The following RBMS3 variants were observed in gnomAD, a reference collection of about 807,000 sequenced individuals.
RBMS3 encodes the protein RNA-binding motif, single-stranded-interacting protein 3.
In RBMS3, 27 loss-of-function variants were observed where a neutral mutation model predicts 66.8. That is an observed-to-expected ratio of 0.40 (90% CI 0.30 to 0.56). RBMS3 has a LOEUF of 0.56. Ranked by LOEUF, RBMS3 falls within the 20% of genes least tolerant of loss-of-function variation. The probability of loss-of-function intolerance (pLI) is 0.40; values close to 1 mark genes in which losing one functional copy is unlikely to be tolerated. For synonymous variants in RBMS3, 188 were observed against 183.0 expected, an observed-to-expected ratio of 1.03 and a Z score of -0.22; for missense variants, 513 against 549.5, an observed-to-expected ratio of 0.93 and a Z score of 0.66.
intron 1 of RBMS3, among the ~76,000 whole-genome samples, chr3:29,393,036 T>G (rs568772990): frequency 6.6e-6 from 1 of 152,344 alleles, no homozygotes; most frequent in African/African-American, 2.4e-5. Flanking sequence ...TTCCACAGAT[T>G]GCTTTAACAA....
In RBMS3 at chr3:29,962,551, C is replaced by CATATATAT. The variant is rs148691765; in HGVS notation, c.1098+18307_1098+18314dup. Among the ~76,000 whole-genome samples, 19 of 135,268 alleles carry CATATATAT rather than the reference C, an allele frequency of 1.4e-4. 1 individual carries two copies. The South Asian group carries it at 3.3e-3, about 23-fold the overall frequency. The allele number at this position is 135,268 out of a possible 152,430, so 88.7% of individuals were successfully genotyped here. ...TCTGTTTTTAATATGGGTCAAGACT[C>CATATATAT]ATATATATATATATATAATACCATA... On this transcript the variant is annotated intron_variant, in intron 12 of 14. Transcript: ENST00000383767.
rs574731202 is a variant in RBMS3, at chr3:29,572,322, G to A, written c.308-14792G>A. 3.7e-4 allele frequency among the ~76,000 whole-genome samples: 57 copies of A among 152,148 alleles called. No homozygotes were observed. The South Asian group carries it at 7.7e-3, about 20-fold the overall frequency. ...TTCCAGTACTATGTTAAATAACAGT[G>A]GTGAATGTGAATATCCTTGTCATGT... On this transcript the variant is annotated intron_variant, in intron 3 of 14. Transcript: ENST00000383767.
At chr3:29,625,331 A>T (rs969296259) in intron 4 of RBMS3, among the ~76,000 whole-genome samples, 20 of 152,138 alleles carry the variant, frequency 1.3e-4, no homozygotes, top group African/African-American at 4.3e-4. Flanking sequence ...TTTGTAACAG[A>T]CCACATAGAA....
At chr3:29,826,908 C>G (rs1317779329) in intron 6 of RBMS3, among the ~76,000 whole-genome samples, 1 of 152,072 alleles carries the variant, frequency 6.6e-6, no homozygotes, top group Non-Finnish European at 1.5e-5. Context: ...AAAATGATGA[C>G]AAGACACATT....
chr3:29,739,272 C>A (rs148489573), intron 4 of RBMS3, among the ~76,000 whole-genome samples: 34 of 152,016 alleles, frequency 2.2e-4, no homozygotes, highest in African/African-American at 6.3e-4. Flanking sequence ...CTGGCTAACA[C>A]GGTGAAACCC....
intron 7 of RBMS3, among the ~76,000 whole-genome samples, chr3:29,872,356 T>C (rs557605076): frequency 1.3e-5 from 2 of 152,276 alleles, no homozygotes; most frequent in Non-Finnish European, 2.9e-5. Flanking sequence ...AATGTCTGGC[T>C]CAGTAAAAAA....
chr3:29,935,706 A>G (rs1009422613), intron 10 of RBMS3, among the ~76,000 whole-genome samples: 14 of 152,152 alleles, frequency 9.2e-5, no homozygotes, highest in African/African-American at 3.4e-4. Context: ...ACCAAGTCTT[A>G]TCAAATAACA....
At chr3:29,413,089 A>T (rs1468283008) in intron 1 of RBMS3, among the ~76,000 whole-genome samples, 1 of 152,176 alleles carries the variant, frequency 6.6e-6, no homozygotes, top group Non-Finnish European at 1.5e-5. Context: ...GGCAGCAGAA[A>T]GCCAGGCGCG....
intron 2 of RBMS3, among the ~76,000 whole-genome samples, chr3:29,484,754 A>G (rs561422238): frequency 4.6e-5 from 7 of 152,258 alleles, no homozygotes; most frequent in Non-Finnish European, 8.8e-5. Context: ...AAAGCTACAG[A>G]TATGCTCCAT....
chr3:29,501,979 G>T (rs1308485275), intron 3 of RBMS3, among the ~76,000 whole-genome samples: 1 of 152,124 alleles, frequency 6.6e-6, no homozygotes, highest in African/African-American at 2.4e-5. Context: ...TCAGCCCCAT[G>T]AGCATACTGA....
intron 1 of RBMS3, among the ~76,000 whole-genome samples, chr3:29,291,199 G>A (rs193187414): frequency 6.6e-6 from 1 of 151,934 alleles, no homozygotes; most frequent in East Asian, 1.9e-4. Flanking sequence ...TCAGAGTTTG[G>A]AGTTAATGCA....
At chr3:29,628,987 C>T (rs9883188) in intron 4 of RBMS3, among the ~76,000 whole-genome samples, 6,733 of 152,124 alleles carry the variant, frequency 0.044, 426 homozygotes, top group East Asian at 0.32. Context: ...GAAGGATGCT[C>T]TACCGATGTC....
chr3:29,485,050 C>T (rs972048121), intron 2 of RBMS3, among the ~76,000 whole-genome samples: 9 of 152,116 alleles, frequency 5.9e-5, no homozygotes, highest in Non-Finnish European at 1.3e-4. Flanking sequence ...AATTTGATGT[C>T]TTCATAATTC....
intron 1 of RBMS3, among the ~76,000 whole-genome samples, chr3:29,294,384 C>G (rs1370983685): frequency 2.0e-5 from 3 of 151,350 alleles, no homozygotes; most frequent in Non-Finnish European, 4.4e-5. Flanking sequence ...GGTTACATTC[C>G]TAACTAATGG....
chr3:29,967,166 C>A (rs562194876), intron 12 of RBMS3, among the ~76,000 whole-genome samples: 5 of 152,144 alleles, frequency 3.3e-5, no homozygotes, highest in African/African-American at 1.2e-4. Flanking sequence ...TGGCTTGTGT[C>A]CTTTCCTGGT....
intron 6 of RBMS3, among the ~76,000 whole-genome samples, chr3:29,833,984 A>G (rs2058439763): frequency 1.3e-5 from 2 of 152,164 alleles, no homozygotes; most frequent in Admixed American, 6.5e-5. Context: ...CTATCAGACA[A>G]GAAATAGGTT....
intron 4 of RBMS3, among the ~76,000 whole-genome samples, chr3:29,651,272 T>C (rs1289406571): frequency 6.6e-6 from 1 of 152,208 alleles, no homozygotes; most frequent in African/African-American, 2.4e-5. Context: ...TCTATCTTAA[T>C]TAGAAACAGC....
intron 12 of RBMS3, among the ~76,000 whole-genome samples, chr3:29,961,905 T>G (rs1041327536): frequency 6.6e-6 from 1 of 150,690 alleles, no homozygotes. Context: ...GACATTTTAG[T>G]CTTGTGTAGA....
At chr3:29,686,632 C>T (rs75797985) in intron 4 of RBMS3, among the ~76,000 whole-genome samples, 1,610 of 152,200 alleles carry the variant, frequency 0.011, 27 homozygotes, top group Middle Eastern at 0.037. Context: ...TTACAGTGGG[C>T]TGTGATCACA....
Sources: allele counts gnomAD v4.1 joint callset (sites outside exome capture counted in the v4.1 genomes callset), GRCh38; gene constraint gnomAD v4.1.1; transcripts MANE v1.5; gene names NCBI Gene and HGNC (gene_info 2026-07-23, HGNC 2026-07-21).